Variants in ENOX1 observed in about 807,000 individuals in gnomAD.
The protein encoded by ENOX1 is candidate growth-related and time keeping constitutive hydroquinone (NADH) oxidase.
In ENOX1, 42 loss-of-function variants were observed where a neutral mutation model predicts 82.5. The ratio of observed to expected loss-of-function variants is 0.51; its 90% CI spans 0.40 to 0.66. The LOEUF (loss-of-function observed/expected upper bound fraction) is 0.66, where lower values mean the gene tolerates loss of function less well. ENOX1 is among the 30% of genes least tolerant of loss of function. The pLI, the probability that ENOX1 is intolerant of heterozygous loss-of-function variation, is 0.00. For synonymous variants in ENOX1, 271 were observed against 282.2 expected (o/e 0.96, Z 0.40); for missense variants, 608 against 811.6 (o/e 0.75, Z 3.05).
At chr13:43,339,294 A>G (rs2048920784) in intron 9 of ENOX1, among the ~76,000 whole-genome samples, 1 of 152,216 alleles carries the variant, frequency 6.6e-6, no homozygotes, top group Non-Finnish European at 1.5e-5. Flanking sequence ...TCTAGGCCAA[A>G]CATTTGAGCC....
chr13:43,772,249 T>C (rs527615526), intron 1 of ENOX1, among the ~76,000 whole-genome samples: 1 of 152,158 alleles, frequency 6.6e-6, no homozygotes, highest in African/African-American at 2.4e-5. Context: ...TATTTTGTTC[T>C]GAGAAAGTCA....
intron 10 of ENOX1, among the ~76,000 whole-genome samples, chr13:43,325,814 C>T (rs776963280): frequency 2.0e-5 from 3 of 152,034 alleles, no homozygotes; most frequent in Non-Finnish European, 4.4e-5. Context: ...CATTTTGGTC[C>T]TTCTAAGTGG....
intron 16 of ENOX1, among the ~76,000 whole-genome samples, chr13:43,218,230 T>C (rs544743453): frequency 6.6e-6 from 1 of 152,238 alleles, no homozygotes; most frequent in African/African-American, 2.4e-5. Flanking sequence ...GTGTAAGATA[T>C]AACAGCTGGG....
At chr13:43,427,515 A>G (rs187005332) in intron 3 of ENOX1, among the ~76,000 whole-genome samples, 1 of 152,348 alleles carries the variant, frequency 6.6e-6, no homozygotes, top group African/African-American at 2.4e-5. Context: ...GAGTCAGACT[A>G]GAAGGTTCCT....
rs565517576 is a variant in ENOX1, at chr13:43,458,401, A to T, written c.-75+25608T>A. Reference sequence around the variant, plus strand: ...AATATGAGATGATATTGAAACCTTAAGCTGTCTAAAAGTACATCTTTTCCA... The same window carrying T: ...AATATGAGATGATATTGAAACCTTATGCTGTCTAAAAGTACATCTTTTCCA... On this transcript the variant is annotated intron_variant, in intron 3 of 16. Coordinates refer to ENST00000690772, the MANE Select transcript of ENOX1 (RefSeq NM_001347969.2). 3.9e-5 allele frequency: 6 copies of T among 152,344 alleles called. No individual in the cohort carries two copies. In the East Asian group the frequency reaches 1.2e-3, roughly 29 times the overall value. 9.4% of individuals were successfully genotyped at this position (152,344 alleles called of 1,614,324 possible).
At chr13:43,244,131 T>A (rs1357415258) in intron 14 of ENOX1, among the ~76,000 whole-genome samples, 1 of 150,358 alleles carries the variant, frequency 6.7e-6, no homozygotes, top group African/African-American at 2.5e-5. Context: ...GTCACATTAT[T>A]TACATACTAG....
intron 12 of ENOX1, among the ~76,000 whole-genome samples, chr13:43,284,166 A>AT (rs2045559930): frequency 6.6e-6 from 1 of 152,168 alleles, no homozygotes; most frequent in South Asian, 2.1e-4. Flanking sequence ...TTATAGTAGT[A>AT]TATATTTACA....
chr13:43,241,241 A>G (rs2042815151), intron 14 of ENOX1, among the ~76,000 whole-genome samples: 1 of 152,228 alleles, frequency 6.6e-6, no homozygotes, highest in South Asian at 2.1e-4. Flanking sequence ...GGAAAGTTTT[A>G]TCATTAGAAA....
intron 14 of ENOX1, among the ~76,000 whole-genome samples, chr13:43,260,189 C>T (rs1231971791): frequency 6.6e-6 from 1 of 152,206 alleles, no homozygotes; most frequent in Non-Finnish European, 1.5e-5. Flanking sequence ...CTTCCATACG[C>T]TCCTAACGTC....
At chr13:43,618,941 G>A (rs1452862589) in intron 2 of ENOX1, among the ~76,000 whole-genome samples, 1 of 149,226 alleles carries the variant, frequency 6.7e-6, no homozygotes. Flanking sequence ...TTTCCTTGTA[G>A]AAGTCTTTCA....
chr13:43,552,682 G>T (rs1208829424), intron 2 of ENOX1, among the ~76,000 whole-genome samples: 3 of 152,142 alleles, frequency 2.0e-5, no homozygotes, highest in Non-Finnish European at 2.9e-5. Context: ...TGACATGAAT[G>T]GTTTTGCCTG....
At chr13:43,707,744 AAAAAAAAAAAAAC>A (rs1483198549) in intron 1 of ENOX1, among the ~76,000 whole-genome samples, 2 of 149,280 alleles carry the variant, frequency 1.3e-5, no homozygotes, top group Admixed American at 6.7e-5. Flanking sequence ...AAAAAAAAAA[AAAAAAAAAAAAAC>A]CAAGAACAAA....
chr13:43,508,432 T>G (rs1395561322), intron 2 of ENOX1, among the ~76,000 whole-genome samples: 1 of 152,008 alleles, frequency 6.6e-6, no homozygotes, highest in Admixed American at 6.6e-5. Context: ...TTCTGTTCTT[T>G]ATATATCACC....
At chr13:43,460,792 T>C (rs1406030559) in intron 3 of ENOX1, among the ~76,000 whole-genome samples, 2 of 31,542 alleles carry the variant, frequency 6.3e-5, no homozygotes, top group Non-Finnish European at 1.1e-4. Context: ...AGACTCCATC[T>C]CAAAAAAAAA....
chr13:43,411,069 A>G (rs7337263), intron 5 of ENOX1, among the ~76,000 whole-genome samples: 2,374 of 152,254 alleles, frequency 0.016, 67 homozygotes, highest in African/African-American at 0.054. Context: ...CACCTTCCTG[A>G]TAACATCTTT....
chr13:43,219,598 A>C (rs1171477452), intron 16 of ENOX1, among the ~76,000 whole-genome samples: 1 of 152,262 alleles, frequency 6.6e-6, no homozygotes, highest in Non-Finnish European at 1.5e-5. Context: ...AAAAAGAAAG[A>C]AAGCAAACAT....
At chr13:43,223,184 G>T (rs545451544) in intron 16 of ENOX1, among the ~76,000 whole-genome samples, 2 of 152,172 alleles carry the variant, frequency 1.3e-5, no homozygotes, top group Non-Finnish European at 2.9e-5. Context: ...TGGTCTGGTC[G>T]TACCAATCCC....
At chr13:43,640,884 GCA>G (rs1566688826) in intron 2 of ENOX1, among the ~76,000 whole-genome samples, 1 of 132,388 alleles carries the variant, frequency 7.6e-6, no homozygotes, top group South Asian at 2.8e-4. Flanking sequence ...ACACACACGC[GCA>G]CACACACACG....
intron 3 of ENOX1, among the ~76,000 whole-genome samples, chr13:43,442,182 T>C (rs2056397630): frequency 6.6e-6 from 1 of 152,124 alleles, no homozygotes; most frequent in Admixed American, 6.5e-5. Flanking sequence ...TGCAGGCTGG[T>C]CTCAGCTGCC....
Sources: gnomAD v4.1 joint callset for allele counts (sites outside exome capture counted in the v4.1 genomes callset) on GRCh38, gnomAD v4.1.1 for gene constraint, MANE v1.5 for transcripts, NCBI Gene and HGNC (gene_info 2026-07-23, HGNC 2026-07-21) for gene names.